The following GRAP2 variants were observed in gnomAD, a reference collection of about 807,000 sequenced individuals.
GRAP2 encodes GRB2 related adaptor protein 2, also known as GRB2-related adapter protein 2.
A neutral mutation model predicts 43.5 loss-of-function variants in GRAP2; 31 were observed. That is an observed-to-expected ratio of 0.71 (90% CI 0.54 to 0.96). The LOEUF is 0.96. Ranked by LOEUF, GRAP2 falls within the 40% of genes least tolerant of loss-of-function variation. The pLI is 0.00. For missense variants in GRAP2, 371 were observed against 424.4 expected, an observed-to-expected ratio of 0.87 and a Z score of 1.11; for synonymous variants, 156 against 164.8, an observed-to-expected ratio of 0.95 and a Z score of 0.41.
intron 1 of GRAP2, among the ~76,000 whole-genome samples, chr22:39,915,092 G>A (rs1045130351): frequency 6.6e-6 from 1 of 151,096 alleles, no homozygotes; most frequent in African/African-American, 2.4e-5. Flanking sequence ...AGGAGGCCGA[G>A]GTGGGAGAAT....
At chr22:39,932,188 TAAC>T (rs780697468) in intron 1 of GRAP2, among the ~76,000 whole-genome samples, 21 of 152,164 alleles carry the variant, frequency 1.4e-4, no homozygotes, top group Non-Finnish European at 2.8e-4. Flanking sequence ...CTATTCTTCT[TAAC>T]AATGCTTCAG....
At chr22:39,938,278 A>G (rs1357038227) in intron 1 of GRAP2, among the ~76,000 whole-genome samples, 1 of 152,240 alleles carries the variant, frequency 6.6e-6, no homozygotes, top group African/African-American at 2.4e-5. Flanking sequence ...TCCATAATCC[A>G]CAGTGACAGA....
upstream of GRAP2, among the ~76,000 whole-genome samples, chr22:39,896,905 C>T (rs182255373): frequency 2.0e-3 from 301 of 152,280 alleles, 3 homozygotes; most frequent in African/African-American, 6.8e-3. Context: ...AAAGTGAACA[C>T]AGTTTGCTTC....
At chr22:39,921,385 G>A (rs939109395) in intron 1 of GRAP2, among the ~76,000 whole-genome samples, 1 of 152,216 alleles carries the variant, frequency 6.6e-6, no homozygotes, top group African/African-American at 2.4e-5. Context: ...TACATAGCAA[G>A]CATTTAGAGC....
the GRAP2 span, among the ~76,000 whole-genome samples, chr22:39,895,086 A>G: frequency 6.6e-6 from 1 of 152,216 alleles, no homozygotes; most frequent in Admixed American, 6.5e-5. Context: ...CTATTAGTGG[A>G]GCAGCAGAGG....
At chr22:39,966,963 G>C (rs528669610) in intron 5 of GRAP2, among the ~76,000 whole-genome samples, 33 of 149,236 alleles carry the variant, frequency 2.2e-4, no homozygotes, top group Admixed American at 6.0e-4. Flanking sequence ...ATGTTAACTT[G>C]CCTCCCATAA....
intron 1 of GRAP2, among the ~76,000 whole-genome samples, chr22:39,930,788 G>C (rs1359000260): frequency 6.6e-6 from 1 of 152,116 alleles, no homozygotes; most frequent in Non-Finnish European, 1.5e-5. Context: ...TCTCCTGCCA[G>C]TCCATGATTG....
intron 4 of GRAP2, chr22:39,964,371 C>T: frequency 2.8e-6 from 2 of 727,192 alleles, no homozygotes; most frequent in Non-Finnish European, 2.5e-6. Flanking sequence ...GGGCGGCAGG[C>T]GCCATGTCCA....
At chr22:39,914,306 G>C (rs2066587726) in intron 1 of GRAP2, among the ~76,000 whole-genome samples, 1 of 152,210 alleles carries the variant, frequency 6.6e-6, no homozygotes, top group Admixed American at 6.5e-5. Context: ...CTAGTCCTTA[G>C]GCTAAATTCC....
At chr22:39,962,075 C>G (rs768411804) in intron 4 of GRAP2, among the ~76,000 whole-genome samples, 1 of 152,192 alleles carries the variant, frequency 6.6e-6, no homozygotes, top group Non-Finnish European at 1.5e-5. Context: ...TGATGTATCA[C>G]AAATTCTAAT....
chr22:39,901,654 G>A (rs2145562362), intron 1 of GRAP2, among the ~76,000 whole-genome samples: 1 of 152,262 alleles, frequency 6.6e-6, no homozygotes, highest in South Asian at 2.1e-4. Context: ...ACTTCACCAT[G>A]GTCAGAATTT....
At chr22:39,937,804 G>A (rs1396439340) in intron 1 of GRAP2, among the ~76,000 whole-genome samples, 4 of 152,126 alleles carry the variant, frequency 2.6e-5, no homozygotes, top group Non-Finnish European at 4.4e-5. Flanking sequence ...CCTAAGTCCC[G>A]TAGTAAACCT....
At chr22:39,924,803 G>A (rs2066683495) in intron 1 of GRAP2, among the ~76,000 whole-genome samples, 1 of 152,218 alleles carries the variant, frequency 6.6e-6, no homozygotes, top group South Asian at 2.1e-4. Flanking sequence ...GAGGAGTGAG[G>A]CTGGGTTCCC....
chr22:39,933,186 T>G (rs752055728), intron 1 of GRAP2, among the ~76,000 whole-genome samples: 15 of 152,232 alleles, frequency 9.9e-5, no homozygotes, highest in Admixed American at 2.6e-4. Flanking sequence ...AGCCCCATAC[T>G]GGGACTCACA....
chr22:39,941,904 G>T (rs2066875127), intron 1 of GRAP2, among the ~76,000 whole-genome samples: 1 of 151,932 alleles, frequency 6.6e-6, no homozygotes, highest in Admixed American at 6.6e-5. Flanking sequence ...TGCTTGAGGA[G>T]TTCAGAGGAG....
chr22:39,966,407 G>C (rs2067174683), intron 5 of GRAP2, among the ~76,000 whole-genome samples: 1 of 152,218 alleles, frequency 6.6e-6, no homozygotes, highest in Non-Finnish European at 1.5e-5. Flanking sequence ...GAATGGCTGT[G>C]AAGGTTGGAG....
intron 1 of GRAP2, chr22:39,926,874 C>T (rs948856641): frequency 1.3e-4 from 132 of 978,806 alleles, no homozygotes; most frequent in Non-Finnish European, 1.6e-4. Context: ...ATATATTTAT[C>T]GTGATTGGAA....
chr22:39,966,387 C>G (rs1363005030), intron 5 of GRAP2, among the ~76,000 whole-genome samples: 1 of 152,232 alleles, frequency 6.6e-6, no homozygotes, highest in Non-Finnish European at 1.5e-5. Context: ...ATGGTAATAT[C>G]TACCTCCCAG....
At chr22:39,935,086 A>T (rs182279178) in intron 1 of GRAP2, among the ~76,000 whole-genome samples, 120 of 152,330 alleles carry the variant, frequency 7.9e-4, no homozygotes, top group African/African-American at 2.7e-3. Context: ...GGAGATCAAG[A>T]GTTGGAACCT....
Sources: allele counts gnomAD v4.1 joint callset (sites outside exome capture counted in the v4.1 genomes callset), GRCh38; gene constraint gnomAD v4.1.1; transcripts MANE v1.5; gene names NCBI Gene and HGNC (gene_info 2026-07-23, HGNC 2026-07-21).